Variants in ADGRV1 observed in about 807,000 individuals in gnomAD.
ADGRV1 encodes the protein G-protein coupled receptor 98.
ADGRV1 carries 359 observed loss-of-function variants against 596.2 expected under a neutral mutation model. That is an observed-to-expected ratio of 0.60 (90% CI 0.55 to 0.66). The LOEUF (loss-of-function observed/expected upper bound fraction) is 0.66. ADGRV1 is among the 30% of genes least tolerant of loss of function. The probability of loss-of-function intolerance (pLI) is 0.00; values close to 1 mark genes in which losing one functional copy is unlikely to be tolerated. For synonymous variants in ADGRV1, 2,681 were observed against 2,679.2 expected, an observed-to-expected ratio of 1.00 and a Z score of -0.02; for missense variants, 7,274 against 7,575.6, an observed-to-expected ratio of 0.96 and a Z score of 1.48.
chr5:91,155,114 G>A (rs547026622), intron 89 of ADGRV1, among the ~76,000 whole-genome samples: 161 of 152,180 alleles, frequency 1.1e-3, no homozygotes, highest in African/African-American at 3.7e-3. Flanking sequence ...GGATGAATTT[G>A]AACAATGAAG....
chr5:90,669,537 A>G (rs1217667221), intron 21 of ADGRV1, among the ~76,000 whole-genome samples: 3 of 152,260 alleles, frequency 2.0e-5, no homozygotes, highest in Non-Finnish European at 2.9e-5. Context: ...ATAAACCACA[A>G]TAGATATGGC....
intron 83 of ADGRV1, among the ~76,000 whole-genome samples, chr5:90,904,444 T>C (rs1772134120): frequency 6.6e-6 from 1 of 152,116 alleles, no homozygotes; most frequent in Non-Finnish European, 1.5e-5. Flanking sequence ...GTCTTTCGGA[T>C]ATAAGCCAGT....
In ADGRV1 at chr5:90,709,323, C is replaced by T. The variant is rs527510469; in HGVS notation, c.8824+414C>T. Among the ~76,000 whole-genome samples the T allele has an allele frequency of 2.0e-5, 3 of 152,224 alleles. No individual in the cohort carries two copies. The South Asian group carries it at 6.2e-4, about 32-fold the overall frequency. On this transcript the variant is annotated intron_variant, in intron 39 of 89. Coordinates refer to ENST00000405460, the MANE Select transcript of ADGRV1 (RefSeq NM_032119.4). ...ATTGTGTTCTCTGCTTCTTTCATGA[C>T]CTTTTATCTTTTTCTTTTCATGCTT...
At chr5:90,588,440 G>A (rs745461153) in intron 1 of ADGRV1, among the ~76,000 whole-genome samples, 1 of 152,218 alleles carries the variant, frequency 6.6e-6, no homozygotes, top group Non-Finnish European at 1.5e-5. Flanking sequence ...GGAAATTTTT[G>A]GAAGTTAGGC....
intron 85 of ADGRV1, among the ~76,000 whole-genome samples, chr5:90,990,845 T>C (rs953760043): frequency 5.3e-5 from 8 of 152,190 alleles, no homozygotes; most frequent in African/African-American, 1.9e-4. Context: ...TTGAGTAGTT[T>C]TATATTGAAT....
intron 1 of ADGRV1, among the ~76,000 whole-genome samples, chr5:90,570,036 C>T (rs552072424): frequency 7.9e-5 from 12 of 152,130 alleles, no homozygotes; most frequent in East Asian, 5.8e-4. Flanking sequence ...CCTTTTCTGG[C>T]ACTTTACATT....
At chr5:91,113,027 T>C (rs1792512305) in intron 87 of ADGRV1, among the ~76,000 whole-genome samples, 1 of 152,164 alleles carries the variant, frequency 6.6e-6, no homozygotes, top group African/African-American at 2.4e-5. Flanking sequence ...AGTCTTTGAC[T>C]CTTCTCCTAT....
chr5:91,150,149 C>A lies in ADGRV1; in HGVS notation c.18552C>A (p.Pro6184=). The stretch of plus-strand genomic sequence containing the variant: ...GACCCAGCACAGCCTTTTTCACGCC[C>A]GGGAGTGGAATGCCTCCTGCTGGAG... ...HPGPSTAFFT[P]GSGMPPAGGE... The change falls in exon 88 of 90, where the codon CCC becomes CCA. Residue 6184 remains proline (P), a synonymous_variant. Transcript: ENST00000405460. 9.4e-6 allele frequency: 15 copies of A among 1,595,882 alleles called. No homozygotes were observed. Among genetic ancestry groups the A allele is most frequent in the Non-Finnish European group, 1.2e-5 (14 of 1,172,198 alleles).
intron 75 of ADGRV1, among the ~76,000 whole-genome samples, chr5:90,820,117 A>G (rs1231715475): frequency 1.3e-5 from 2 of 151,670 alleles, no homozygotes; most frequent in African/African-American, 2.4e-5. Flanking sequence ...GGGTGCATAT[A>G]TATTTAGGAT....
chr5:90,737,734 A>G (rs1215778994), intron 50 of ADGRV1, among the ~76,000 whole-genome samples: 1 of 151,964 alleles, frequency 6.6e-6, no homozygotes, highest in Non-Finnish European at 1.5e-5. Context: ...TTTACCTGAT[A>G]TAAGTATATC....
chr5:90,708,929 T>C lies in ADGRV1; in HGVS notation c.8824+20T>C, dbSNP rs1314374398. 6.7e-7 allele frequency: 1 copy of C among 1,501,808 alleles called. No individual in the cohort carries two copies. The highest frequency in any genetic ancestry group is 9.3e-7 in the Non-Finnish European group (1 of 1,078,808). 93.0% of individuals were successfully genotyped at this position (1,501,808 alleles called of 1,614,324 possible). A position where few individuals can be genotyped will look rare whatever the true frequency, so the allele number is the denominator to read the frequency against. On this transcript the variant is annotated intron_variant, in intron 39 of 89. Transcript: ENST00000405460. ...GACTAGGTATGAGGGGTTTCTTGTT[T>C]GTTTCTTTTTGCTCACTTCAAATGA...
chr5:91,022,801 T>C (rs545101503), intron 85 of ADGRV1, among the ~76,000 whole-genome samples: 75 of 152,214 alleles, frequency 4.9e-4, no homozygotes, highest in Admixed American at 1.3e-3. Context: ...TTTGGGGAGA[T>C]GAATATGTAA....
chr5:90,665,024 A>G (rs569666404), intron 21 of ADGRV1, among the ~76,000 whole-genome samples: 15 of 151,798 alleles, frequency 9.9e-5, no homozygotes, highest in East Asian at 9.7e-4. Context: ...CCAGTATTTT[A>G]TTGAGGATTT....
intron 80 of ADGRV1, among the ~76,000 whole-genome samples, chr5:90,853,755 T>C (rs1168843272): frequency 6.6e-6 from 1 of 152,172 alleles, no homozygotes; most frequent in African/African-American, 2.4e-5. Context: ...ATTATATATG[T>C]GGGGAAAGTA....
At chr5:90,833,296 G>T (rs549585193) in intron 77 of ADGRV1, among the ~76,000 whole-genome samples, 6 of 151,912 alleles carry the variant, frequency 3.9e-5, no homozygotes, top group Non-Finnish European at 8.8e-5. Flanking sequence ...ATTTGTTTTG[G>T]TTTTTTGAGA....
At chr5:91,047,466 T>C (rs575536138) in intron 85 of ADGRV1, among the ~76,000 whole-genome samples, 7 of 152,280 alleles carry the variant, frequency 4.6e-5, no homozygotes, top group Admixed American at 1.3e-4. Context: ...TGTTTGAAGA[T>C]AGGAAGCATC....
intron 72 of ADGRV1, 83 bp from the exon 73 acceptor site, chr5:90,807,519 T>C (rs1762018167): frequency 1.5e-6 from 2 of 1,294,770 alleles, no homozygotes; most frequent in Non-Finnish European, 2.1e-6. Flanking sequence ...GAAAAGAAAA[T>C]ACACTACTAC....
chr5:91,124,038 C>T (rs1037375033), intron 87 of ADGRV1, among the ~76,000 whole-genome samples: 23 of 152,196 alleles, frequency 1.5e-4, no homozygotes, highest in Non-Finnish European at 1.3e-4. Flanking sequence ...GGCCTTGAAA[C>T]GTTTGAGAAG....
intron 89 of ADGRV1, among the ~76,000 whole-genome samples, chr5:91,161,361 T>C (rs1796930017): frequency 6.6e-6 from 1 of 152,198 alleles, no homozygotes; most frequent in Non-Finnish European, 1.5e-5. Context: ...TGGTAGTCCA[T>C]AAATGATTGA....
Sources: gnomAD v4.1 joint callset for allele counts (sites outside exome capture counted in the v4.1 genomes callset) on GRCh38, gnomAD v4.1.1 for gene constraint, MANE v1.5 for transcripts, NCBI Gene and HGNC (gene_info 2026-07-23, HGNC 2026-07-21) for gene names.